Variants in KIF26A observed in about 807,000 individuals in gnomAD.
KIF26A encodes kinesin family member 26A, also known as kinesin-like protein KIF26A.
KIF26A carries 74 observed loss-of-function variants against 126.0 expected under a neutral mutation model. That is an observed-to-expected ratio of 0.59 (90% CI 0.49 to 0.71). The LOEUF (loss-of-function observed/expected upper bound fraction) is 0.71. Among genes scored for constraint, KIF26A ranks in the 30% least tolerant of loss-of-function variants. The probability of loss-of-function intolerance (pLI) is 0.00; values close to 1 mark genes in which losing one functional copy is unlikely to be tolerated. For synonymous variants in KIF26A, 1,445 were observed against 1,232.7 expected (o/e 1.17, Z -3.61); for missense variants, 2,984 against 2,763.3 (o/e 1.08, Z -1.79).
At chr14:104,138,943 T>C in intron 1 of KIF26A, 100 bp from the exon 2 acceptor site, 2 of 1,298,812 alleles carry the variant, frequency 1.5e-6, no homozygotes. Context: ...CCAGGGCTCC[T>C]AACTTTGGCA....
At chr14:104,169,465 C>T (rs1028178926) in intron 5 of KIF26A, among the ~76,000 whole-genome samples, 2 of 152,206 alleles carry the variant, frequency 1.3e-5, no homozygotes, top group African/African-American at 4.8e-5. Flanking sequence ...GTCACACCCC[C>T]ACCCTGCTCC....
At chr14:104,155,868 TGGAGGGGCCGGGTG>T (rs1396619546) in intron 3 of KIF26A, among the ~76,000 whole-genome samples, 13 of 151,914 alleles carry the variant, frequency 8.6e-5, no homozygotes, top group Admixed American at 2.6e-4. Flanking sequence ...GGGAAGAGGG[TGGAGGGGCCGGGTG>T]GGCTGTGGTG....
At chr14:104,165,053 G>A (rs933450717) in intron 4 of KIF26A, among the ~76,000 whole-genome samples, 2 of 151,640 alleles carry the variant, frequency 1.3e-5, no homozygotes, top group Non-Finnish European at 2.9e-5. Context: ...ATGTGTGTCT[G>A]TGTGTCTCTG....
chr14:104,167,888 A>G (rs1267650471), intron 5 of KIF26A, among the ~76,000 whole-genome samples: 1 of 151,938 alleles, frequency 6.6e-6, no homozygotes, highest in Non-Finnish European at 1.5e-5. Context: ...TGTGCCCCAC[A>G]TGGGCCATCA....
Position 104,179,742 on chromosome 14 carries a change from C to G in KIF26A, c.5601C>G (p.Ser1867Arg). Residue 1867 changes from serine (S) to arginine (R), a missense_variant, in exon 15 of 15, where the codon AGC becomes AGG. Coordinates refer to ENST00000423312, the MANE Select transcript of KIF26A (RefSeq NM_015656.2). ...TGATGGTCACCTGCTTCGACATCAG[C>G]GTTGCAGCCAGTGCTGCCATCCCGG... ...HVMMVTCFDISVAASAAIPGP... is the reference protein window; with the variant it reads ...HVMMVTCFDIRVAASAAIPGP... 6.4e-7 allele frequency: 1 copy of G among 1,554,334 alleles called. No individual in the cohort carries two copies. The highest frequency in any genetic ancestry group is 1.2e-5 in the South Asian group (1 of 84,196).
rs1156774916 is a variant in KIF26A at position 104,177,336 on chromosome 14, GCTGTCTACGGC to G, written c.4551_4561del (p.Ser1518CysfsTer48). On this transcript the variant is annotated frameshift_variant, in exon 12 of 15. Transcript: ENST00000423312. LOFTEE classifies it high-confidence loss of function. ...CGCGGGCTCTGGGGCCTTCGGTGAAGCTGTCTACGGCCTCTGTGACGGGCAGGAGCCCTGGC... is the reference window on the plus strand; with the variant it reads ...CGCGGGCTCTGGGGCCTTCGGTGAAGCTCTGTGACGGGCAGGAGCCCTGGC... 6.6e-7 allele frequency: 1 copy of G among 1,512,076 alleles called. No individual in the cohort carries two copies. The allele number at this position is 1,512,076 out of a possible 1,614,324, so 93.7% of individuals were successfully genotyped here.
In KIF26A at chr14:104,179,416, C is replaced by G. The variant is rs544364245; in HGVS notation, c.5467+30C>G. 21 of 1,470,120 alleles carry G rather than the reference C, an allele frequency of 1.4e-5. No homozygotes were observed. The African/African-American group carries it at 2.7e-4, about 19-fold the overall frequency. The allele number at this position is 1,470,120 out of a possible 1,614,324, so 91.1% of individuals were successfully genotyped here. On this transcript the variant is annotated intron_variant, in intron 14 of 14. Coordinates refer to ENST00000423312, the MANE Select transcript of KIF26A (RefSeq NM_015656.2). ...GTCCCGCCCGCCCACGGACCCAGCC[C>G]GGCCCACCGTGTGCCCTGACAGCTG...
In KIF26A at chr14:104,173,224, C is replaced by T. The variant is rs376308267; in HGVS notation, c.1668C>T (p.Pro556=). The T allele has an allele frequency of 1.3e-5, 21 of 1,608,954 alleles. No homozygotes were observed. Among genetic ancestry groups the T allele is most frequent in the Middle Eastern group, 3.3e-4 (2 of 6,068 alleles). ...CGGGAGTGTACCTGCGGGAGGACCC[C>T]GTGTGTGGGGCGCAGGTGCGCCTGC... The part of the protein sequence containing the change: ...QSPGVYLRED[P]VCGAQLQNQS... Residue 556 remains proline, a synonymous_variant, in exon 8 of 15, where the codon CCC becomes CCT. Transcript: ENST00000423312.
rs1035999396 is a variant in KIF26A, at chr14:104,151,430, C to A, written c.289-585C>A. Among the ~76,000 whole-genome samples the A allele has an allele frequency of 6.6e-6, 1 of 152,240 alleles. No homozygotes were observed. Among genetic ancestry groups the A allele is most frequent in the Admixed American group, 6.5e-5 (1 of 15,290 alleles). On this transcript the variant is annotated intron_variant, in intron 2 of 14. Transcript: ENST00000423312. The surrounding 1 kb of genome is among the most constrained non-coding windows in gnomAD (Gnocchi z 4.9). ...GGGCCCTGGGCTGTACCCGATCCTG[C>A]GGCTCTTGCGCCCCTTCGGTGAGCT...
chr14:104,165,707 G>A (rs1430151677), intron 4 of KIF26A, among the ~76,000 whole-genome samples: 1 of 148,296 alleles, frequency 6.7e-6, no homozygotes, highest in African/African-American at 2.6e-5. Context: ...CTCTGTCTCT[G>A]TGCATATGTG....
At chr14:104,171,353 C>T (rs930193323) in intron 5 of KIF26A, among the ~76,000 whole-genome samples, 2 of 152,244 alleles carry the variant, frequency 1.3e-5, no homozygotes, top group Non-Finnish European at 2.9e-5. Context: ...GAGGGCTGGG[C>T]CAGGGGGCCA....
intron 2 of KIF26A, among the ~76,000 whole-genome samples, chr14:104,145,893 A>G (rs774285234): frequency 3.3e-5 from 5 of 151,920 alleles, no homozygotes; most frequent in Non-Finnish European, 7.4e-5. Flanking sequence ...ATTTGCCTTC[A>G]CCAGGAAGAA....
intron 2 of KIF26A, among the ~76,000 whole-genome samples, chr14:104,145,878 C>T (rs973277781): frequency 1.3e-5 from 2 of 152,180 alleles, no homozygotes; most frequent in Non-Finnish European, 2.9e-5. Flanking sequence ...CCCCGACCCC[C>T]GCAAATTTGC....
chr14:104,157,974 G>C (rs751241388), intron 4 of KIF26A, 32 bp downstream of exon 4: 1 of 1,468,004 alleles, frequency 6.8e-7, no homozygotes, highest in East Asian at 2.6e-5. Context: ...GCAGCCTTGT[G>C]GGCAGGGCCC....
rs201089132 is a variant in KIF26A, at chr14:104,178,705, G to A, written c.5266G>A (p.Val1756Met). 1.0e-4 allele frequency: 157 copies of A among 1,562,294 alleles called. No individual in the cohort carries two copies. The African/African-American group carries it at 1.5e-3, about 15-fold the overall frequency. ...FEIKVYEIDD[V>M]ERLQRPRPTP... The stretch of plus-strand genomic sequence containing the variant: ...GATCAAGGTGTACGAGATCGATGAC[G>A]TGGAGCGCCTTCAGCGGCCCCGCCC... Residue 1756 changes from valine (V) to methionine (M), a missense_variant, in exon 13 of 15, where the codon GTG (valine) becomes ATG (methionine). Val to Met is a conservative substitution (Grantham distance 21). Transcript: ENST00000423312.
In KIF26A at chr14:104,175,200, G is replaced by A. The variant is rs772433858; in HGVS notation, c.2412G>A (p.Glu804=). ...GPGGAALSDR[E]LTDNEGPPDF... is the part of the protein sequence containing the mutation. ...GTGGGGCGGCGCTGTCAGACCGGGAGCTCACCGACAACGAAGGTCCGCCTG... is the reference window on the plus strand; with the variant it reads ...GTGGGGCGGCGCTGTCAGACCGGGAACTCACCGACAACGAAGGTCCGCCTG... The change falls in exon 12 of 15, where the codon GAG becomes GAA. Residue 804 remains glutamate, a synonymous_variant. Coordinates refer to ENST00000423312, the MANE Select transcript of KIF26A (RefSeq NM_015656.2). 6.2e-7 allele frequency: 1 copy of A among 1,609,626 alleles called. No individual in the cohort carries two copies. Among genetic ancestry groups the A allele is most frequent in the South Asian group, 1.1e-5 (1 of 90,466 alleles).
rs1336151601 is a variant in KIF26A, at chr14:104,138,615, G to A, written c.-108G>A. 2.2e-6 allele frequency: 2 copies of A among 899,214 alleles called. No individual in the cohort carries two copies. Among genetic ancestry groups the A allele is most frequent in the Non-Finnish European group, 1.4e-6 (1 of 699,360 alleles). 55.7% of individuals were successfully genotyped at this position (899,214 alleles called of 1,614,324 possible). A position where few individuals can be genotyped will look rare whatever the true frequency, so the allele number is the denominator to read the frequency against. The stretch of plus-strand genomic sequence containing the variant: ...CGCAGGCTCTGCGAACTTCCGAGCG[G>A]CTGGGCCGGGCCATGGGGGCGCCTC... On this transcript the variant is annotated 5_prime_UTR_variant, in exon 1 of 15. Transcript: ENST00000423312.
chr14:104,174,028 C>T (rs2141116222), intron 10 of KIF26A, 120 bp from the exon 11 acceptor site: 1 of 1,405,046 alleles, frequency 7.1e-7, no homozygotes, highest in Non-Finnish European at 9.4e-7. Context: ...CCTGGGGCCC[C>T]ACGCTGGGCT....
At position 104,180,827 on chromosome 14, in the gene KIF26A, T is replaced by G. The variant is rs2038095191; in HGVS notation, c.*1037T>G. ...GTGCATAGCATAGGACGTCTGAACC[T>G]TTGTACAAATGTGTAGATGACATCT... is the stretch of plus-strand genomic sequence containing the variant. On this transcript the variant is annotated 3_prime_UTR_variant, in exon 15 of 15. Transcript: ENST00000423312. The G allele has an allele frequency of 6.5e-6, 1 of 154,048 alleles. No homozygotes were observed. The highest frequency in any genetic ancestry group is 2.4e-5 in the African/African-American group (1 of 41,494). 9.5% of individuals were successfully genotyped at this position (154,048 alleles called of 1,614,324 possible). A position where few individuals can be genotyped will look rare whatever the true frequency, so the allele number is the denominator to read the frequency against.
Sources: gnomAD v4.1 joint callset for allele counts (sites outside exome capture counted in the v4.1 genomes callset) on GRCh38, gnomAD v4.1.1 for gene constraint, Gnocchi (gnomAD v3.1) non-coding constraint, MANE v1.5 for transcripts, NCBI Gene and HGNC (gene_info 2026-07-23, HGNC 2026-07-21) for gene names.